Variants in PARP15 observed in about 807,000 individuals in gnomAD.
PARP15 encodes the protein poly(ADP-ribose) polymerase family member 15, also known as protein mono-ADP-ribosyltransferase PARP15.
A neutral mutation model predicts 62.1 loss-of-function variants in PARP15; 50 were observed. That is an observed-to-expected ratio of 0.81 (90% CI 0.64 to 1.02). PARP15 has a LOEUF of 1.02. Ranked by LOEUF, PARP15 falls within the 50% of genes least tolerant of loss-of-function variation. PARP15 has a pLI of 0.00. For synonymous variants in PARP15, 309 were observed against 293.1 expected, an observed-to-expected ratio of 1.05 and a Z score of -0.55; for missense variants, 820 against 826.5, an observed-to-expected ratio of 0.99 and a Z score of 0.10.
chr3:122,632,369 C>T, intron 10 of PARP15, 150 bp downstream of exon 10: 1 of 765,966 alleles, frequency 1.3e-6, no homozygotes. Flanking sequence ...GACTTCAAAT[C>T]TCATAGTTTA....
intron 1 of PARP15, among the ~76,000 whole-genome samples, chr3:122,600,418 T>C (rs1934697406): frequency 6.6e-6 from 1 of 152,028 alleles, no homozygotes; most frequent in Non-Finnish European, 1.5e-5. Context: ...TAAGCCCAAA[T>C]ATGTTTTACT....
At chr3:122,591,938 C>T (rs1933958102) in intron 1 of PARP15, among the ~76,000 whole-genome samples, 1 of 152,042 alleles carries the variant, frequency 6.6e-6, no homozygotes, top group Admixed American at 6.5e-5. Flanking sequence ...AGTCAAGAAA[C>T]AATAGATGCT....
Position 122,615,874 on chromosome 3 carries a change from C to A in PARP15, c.850+17C>A. 6.2e-7 allele frequency: 1 copy of A among 1,600,104 alleles called. No homozygotes were observed. Among genetic ancestry groups the A allele is most frequent in the South Asian group, 1.1e-5 (1 of 90,212 alleles). On this transcript the variant is annotated intron_variant, in intron 5 of 11. Coordinates refer to ENST00000464300, the MANE Select transcript of PARP15 (RefSeq NM_001113523.3). ...ATACCCAAGGTCTGGTAAAGTCGTT[C>A]TGCTAAGGAAATATTTCCTTTTGCT...
intron 1 of PARP15, among the ~76,000 whole-genome samples, chr3:122,597,617 T>C (rs984401475): frequency 2.0e-5 from 3 of 152,144 alleles, no homozygotes; most frequent in Admixed American, 1.3e-4. Context: ...TCCCAGACCA[T>C]ACCTTATATT....
intron 1 of PARP15, among the ~76,000 whole-genome samples, chr3:122,578,204 A>T (rs2107789175): frequency 6.6e-6 from 1 of 151,984 alleles, no homozygotes; most frequent in Middle Eastern, 3.4e-3. Flanking sequence ...TCTCTTTGCC[A>T]TGCAAATATT....
At chr3:122,585,383 T>C (rs1301815603) in intron 1 of PARP15, among the ~76,000 whole-genome samples, 3 of 152,194 alleles carry the variant, frequency 2.0e-5, no homozygotes, top group African/African-American at 7.2e-5. Flanking sequence ...GGTCAGATTT[T>C]ATAGCCATAG....
intron 9 of PARP15, among the ~76,000 whole-genome samples, chr3:122,630,571 G>A (rs780372073): frequency 3.9e-5 from 6 of 152,132 alleles, no homozygotes; most frequent in Middle Eastern, 3.4e-3. Flanking sequence ...TGCAGCTACT[G>A]GAAAGGCTGA....
intron 1 of PARP15, among the ~76,000 whole-genome samples, chr3:122,582,041 T>C (rs1348916943): frequency 6.6e-6 from 1 of 152,248 alleles, no homozygotes; most frequent in African/African-American, 2.4e-5. Flanking sequence ...CATTTTACCA[T>C]TTTCATCTAG....
chr3:122,609,396 A>C (rs922335929), intron 2 of PARP15, among the ~76,000 whole-genome samples: 4 of 152,130 alleles, frequency 2.6e-5, no homozygotes, highest in South Asian at 2.1e-4. Flanking sequence ...TCCCCAAAGA[A>C]CCAGGACATT....
In PARP15 at chr3:122,581,353, C is replaced by T. The variant is rs141948192; in HGVS notation, c.186+3500C>T. Reference sequence around the variant, plus strand: ...CAGTACACAAGGATTCCAATTTCTTCACATCCTTGACAATACTTGTTATTT... The same window carrying T: ...CAGTACACAAGGATTCCAATTTCTTTACATCCTTGACAATACTTGTTATTT... On this transcript the variant is annotated intron_variant, in intron 1 of 11. Coordinates refer to ENST00000464300, the MANE Select transcript of PARP15 (RefSeq NM_001113523.3). Among the ~76,000 whole-genome samples, 415 of 152,288 alleles carry T rather than the reference C, an allele frequency of 2.7e-3. 1 individual carries two copies. Among genetic ancestry groups the T allele is most frequent in the Admixed American group, 5.6e-3 (86 of 15,302 alleles).
At position 122,635,204 on chromosome 3, in the gene PARP15, C is replaced by T. The variant is rs1187371734; in HGVS notation, c.1747+10C>T. 1.2e-6 allele frequency: 2 copies of T among 1,611,996 alleles called. No homozygotes were observed. Among genetic ancestry groups the T allele is most frequent in the African/African-American group, 1.3e-5 (1 of 74,746 alleles). On this transcript the variant is annotated intron_variant, in intron 11 of 11. Transcript: ENST00000464300. ...TGTGCTGGGAAAAATGGTAAGGAAG[C>T]AAGTAATTTGGCTGATCAGAATAAG...
chr3:122,633,326 G>T (rs1328513382), intron 10 of PARP15, among the ~76,000 whole-genome samples: 3 of 152,180 alleles, frequency 2.0e-5, no homozygotes, highest in Non-Finnish European at 4.4e-5. Flanking sequence ...TGAGAAAGGG[G>T]AGCCAGGAGA....
chr3:122,583,826 G>C (rs964852), intron 1 of PARP15, among the ~76,000 whole-genome samples: 18,543 of 152,146 alleles, frequency 0.12, 1,217 homozygotes, highest in East Asian at 0.22. Context: ...TGAGACTCAA[G>C]GGGGATCCTC....
chr3:122,593,260 TC>T (rs34785395), intron 1 of PARP15, among the ~76,000 whole-genome samples: 1 of 152,110 alleles, frequency 6.6e-6, no homozygotes, highest in African/African-American at 2.4e-5. Flanking sequence ...TGCTTCAGCA[TC>T]CCGAGTAGCT....
In PARP15 at chr3:122,622,869, A is replaced by G. The variant is rs551432855; in HGVS notation, c.1231+1258A>G. Among the ~76,000 whole-genome samples, 4 of 152,340 alleles carry G rather than the reference A, an allele frequency of 2.6e-5. No homozygotes were observed. In the East Asian group the frequency reaches 7.7e-4, roughly 29 times the overall value. ...GGAAGTATTAATAGTATGTAGCCAC[A>G]GATTACCATTAATCTAAGAGAGTTT... is the stretch of plus-strand genomic sequence containing the variant. On this transcript the variant is annotated intron_variant, in intron 8 of 11. Transcript: ENST00000464300.
intron 4 of PARP15, among the ~76,000 whole-genome samples, chr3:122,614,467 T>G (rs1172848799): frequency 6.6e-6 from 1 of 152,224 alleles, no homozygotes; most frequent in Non-Finnish European, 1.5e-5. Flanking sequence ...ATGTAGTTTG[T>G]AAGCAAATTT....
intron 3 of PARP15, among the ~76,000 whole-genome samples, chr3:122,611,568 A>T (rs1287242649): frequency 6.6e-6 from 1 of 152,000 alleles, no homozygotes; most frequent in African/African-American, 2.4e-5. Context: ...CAAACTCCTG[A>T]CCTCAAGTGA....
At chr3:122,603,146 G>A (rs949899478) in intron 1 of PARP15, among the ~76,000 whole-genome samples, 2 of 152,226 alleles carry the variant, frequency 1.3e-5, no homozygotes, top group Non-Finnish European at 2.9e-5. Context: ...TTGTATCAAG[G>A]GGAAAAGTCC....
At chr3:122,616,395 T>A (rs957477512) in intron 5 of PARP15, among the ~76,000 whole-genome samples, 3 of 150,400 alleles carry the variant, frequency 2.0e-5, no homozygotes, top group Middle Eastern at 3.4e-3. Flanking sequence ...AGTGGCGTGA[T>A]CTTGGCTCAC....
Sources: gnomAD v4.1 joint callset for allele counts (sites outside exome capture counted in the v4.1 genomes callset) on GRCh38, gnomAD v4.1.1 for gene constraint, MANE v1.5 for transcripts, NCBI Gene and HGNC (gene_info 2026-07-23, HGNC 2026-07-21) for gene names.